RNGTT: variants seen among roughly 807,000 people sequenced by gnomAD.
The protein encoded by RNGTT is mRNA-capping enzyme.
Under a neutral mutation model 79.3 loss-of-function variants are expected in RNGTT, and 33 were observed. That is an observed-to-expected ratio of 0.42 (90% CI 0.32 to 0.56). The LOEUF is 0.56. Ranked by LOEUF, RNGTT falls within the 20% of genes least tolerant of loss-of-function variation. RNGTT has a pLI of 0.17. For synonymous variants in RNGTT, 222 were observed against 235.9 expected, an observed-to-expected ratio of 0.94 and a Z score of 0.54; for missense variants, 497 against 739.1, an observed-to-expected ratio of 0.67 and a Z score of 3.80.
At position 88,729,770 on chromosome 6, in the gene RNGTT, C is replaced by T. The variant is rs535614613; in HGVS notation, c.1439+40004G>A. ...GTTATACCGTCATCCCAAACAACAC[C>T]GCCCCTGATGGAAGTATAACAAAGG... On this transcript the variant is annotated intron_variant, in intron 13 of 15. Coordinates refer to ENST00000369485, the MANE Select transcript of RNGTT (RefSeq NM_003800.5). 5.3e-5 allele frequency among the ~76,000 whole-genome samples: 8 copies of T among 152,238 alleles called. No homozygotes were observed. In the South Asian group the frequency reaches 1.2e-3, roughly 24 times the overall value.
chr6:88,730,250 T>C (rs998571136), intron 13 of RNGTT, among the ~76,000 whole-genome samples: 5 of 152,226 alleles, frequency 3.3e-5, no homozygotes, highest in Non-Finnish European at 7.3e-5. Context: ...TTGGATTACC[T>C]GCTCCACCCT....
At chr6:88,650,452 T>C (rs1184985739) in intron 14 of RNGTT, among the ~76,000 whole-genome samples, 2 of 152,184 alleles carry the variant, frequency 1.3e-5, no homozygotes, top group African/African-American at 4.8e-5. Context: ...AAATCAGCCC[T>C]GAGTCATCAA....
intron 12 of RNGTT, among the ~76,000 whole-genome samples, chr6:88,772,198 T>C (rs1399292956): frequency 6.7e-6 from 1 of 149,262 alleles, no homozygotes; most frequent in East Asian, 2.0e-4. Context: ...AAATGTGCAA[T>C]AGCATCTAGA....
intron 4 of RNGTT, among the ~76,000 whole-genome samples, 196 bp downstream of exon 4, chr6:88,928,789 T>C (rs1319377354): frequency 6.6e-6 from 1 of 152,160 alleles, no homozygotes; most frequent in African/African-American, 2.4e-5. Flanking sequence ...AATCAGGGCT[T>C]TATCTAGAAA....
chr6:88,933,032 T>C (rs930720914), intron 2 of RNGTT, among the ~76,000 whole-genome samples: 2 of 152,142 alleles, frequency 1.3e-5, no homozygotes, highest in African/African-American at 4.8e-5. Flanking sequence ...AAAGCCACCC[T>C]TTCTCCACTT....
At chr6:88,663,488 C>T (rs1774266600) in intron 14 of RNGTT, among the ~76,000 whole-genome samples, 1 of 152,140 alleles carries the variant, frequency 6.6e-6, no homozygotes, top group African/African-American at 2.4e-5. Context: ...CAGGCTGCAG[C>T]AGTACTAGTA....
At chr6:88,711,927 C>A (rs894791899) in intron 13 of RNGTT, among the ~76,000 whole-genome samples, 2 of 151,958 alleles carry the variant, frequency 1.3e-5, no homozygotes, top group Non-Finnish European at 1.5e-5. Flanking sequence ...CTATTTTTAC[C>A]ATGAGAAATT....
chr6:88,842,947 C>A (rs774687129), intron 11 of RNGTT, among the ~76,000 whole-genome samples: 1 of 151,786 alleles, frequency 6.6e-6, no homozygotes, highest in South Asian at 2.1e-4. Flanking sequence ...TGGTAGTATG[C>A]GCCTGTAGTC....
chr6:88,651,930 TAA>T (rs1157436164), intron 14 of RNGTT, among the ~76,000 whole-genome samples: 3 of 152,092 alleles, frequency 2.0e-5, no homozygotes, highest in African/African-American at 4.8e-5. Context: ...GATTAATTTT[TAA>T]AAGAGTATGT....
At chr6:88,958,874 A>G (rs916332919) in intron 1 of RNGTT, among the ~76,000 whole-genome samples, 2 of 152,216 alleles carry the variant, frequency 1.3e-5, no homozygotes, top group African/African-American at 4.8e-5. Flanking sequence ...CCAGAAGAAA[A>G]TAAGTCATTA....
intron 12 of RNGTT, among the ~76,000 whole-genome samples, chr6:88,786,769 C>T (rs191106266): frequency 2.0e-4 from 31 of 152,252 alleles, no homozygotes; most frequent in African/African-American, 7.5e-4. Context: ...TTTTTTAAAA[C>T]ACTGTGCTAC....
intron 13 of RNGTT, among the ~76,000 whole-genome samples, chr6:88,744,904 A>G (rs1777615125): frequency 6.6e-6 from 1 of 152,230 alleles, no homozygotes; most frequent in Non-Finnish European, 1.5e-5. Flanking sequence ...AAGGAAATTC[A>G]TCAAATTATG....
At chr6:88,725,180 G>A (rs566980317) in intron 13 of RNGTT, among the ~76,000 whole-genome samples, 105 of 152,326 alleles carry the variant, frequency 6.9e-4, no homozygotes, top group East Asian at 4.6e-3. Context: ...GTTGTCTCTC[G>A]TGAGGAGGCG....
At chr6:88,761,542 G>C (rs1224952895) in intron 13 of RNGTT, among the ~76,000 whole-genome samples, 3 of 152,104 alleles carry the variant, frequency 2.0e-5, no homozygotes, top group African/African-American at 2.4e-5. Flanking sequence ...ACAAGTGGGA[G>C]GCCAGATCCC....
intron 11 of RNGTT, among the ~76,000 whole-genome samples, chr6:88,804,841 T>C (rs1459519636): frequency 1.3e-5 from 2 of 152,210 alleles, no homozygotes; most frequent in Non-Finnish European, 2.9e-5. Context: ...GTCTCTGATT[T>C]ACAGCATTCT....
intron 14 of RNGTT, among the ~76,000 whole-genome samples, chr6:88,656,060 T>C (rs1335723884): frequency 6.6e-6 from 1 of 152,106 alleles, no homozygotes; most frequent in African/African-American, 2.4e-5. Flanking sequence ...AAAAATAGAA[T>C]ATATATATTA....
At chr6:88,638,022 A>G (rs1217897187) in intron 14 of RNGTT, among the ~76,000 whole-genome samples, 1 of 152,130 alleles carries the variant, frequency 6.6e-6, no homozygotes, top group Non-Finnish European at 1.5e-5. Context: ...CTGCTTTTCA[A>G]TTGGATGACA....
chr6:88,877,954 C>T (rs1045317495), intron 8 of RNGTT, among the ~76,000 whole-genome samples: 1 of 152,142 alleles, frequency 6.6e-6, no homozygotes, highest in Non-Finnish European at 1.5e-5. Context: ...CTTACATTCT[C>T]TCTAAGAGTT....
chr6:88,879,961 G>A (rs1014888248), intron 8 of RNGTT, among the ~76,000 whole-genome samples: 23 of 152,214 alleles, frequency 1.5e-4, no homozygotes, highest in African/African-American at 5.5e-4. Flanking sequence ...TGTAAAATCA[G>A]GGGGATATGG....
Sources: gnomAD v4.1 joint callset for allele counts (sites outside exome capture counted in the v4.1 genomes callset) on GRCh38, gnomAD v4.1.1 for gene constraint, MANE v1.5 for transcripts, NCBI Gene and HGNC (gene_info 2026-07-23, HGNC 2026-07-21) for gene names.